The following KCNQ5 variants were observed in gnomAD, a reference collection of about 807,000 sequenced individuals.
KCNQ5 encodes potassium voltage-gated channel subfamily KQT member 5.
Under a neutral mutation model 98.2 loss-of-function variants are expected in KCNQ5, and 30 were observed. The ratio of observed to expected loss-of-function variants is 0.31; its 90% CI spans 0.23 to 0.41. The LOEUF (loss-of-function observed/expected upper bound fraction) is 0.41, where lower values mean the gene tolerates loss of function less well. KCNQ5 is among the 10% of genes least tolerant of loss of function. The probability of loss-of-function intolerance (pLI) is 1.00; values close to 1 mark genes in which losing one functional copy is unlikely to be tolerated. For synonymous variants in KCNQ5, 458 were observed against 449.4 expected, an observed-to-expected ratio of 1.02 and a Z score of -0.24; for missense variants, 835 against 1,182.5, an observed-to-expected ratio of 0.71 and a Z score of 4.31.
At chr6:72,913,611 T>C (rs1780026084) in intron 1 of KCNQ5, among the ~76,000 whole-genome samples, 1 of 152,248 alleles carries the variant, frequency 6.6e-6, no homozygotes, top group Non-Finnish European at 1.5e-5. Flanking sequence ...TGTTTTGTTA[T>C]GGGTTTTCTT....
chr6:72,980,816 T>C (rs1768404607), intron 1 of KCNQ5, among the ~76,000 whole-genome samples: 1 of 152,224 alleles, frequency 6.6e-6, no homozygotes, highest in South Asian at 2.1e-4. Flanking sequence ...GGGTTTGTCA[T>C]AAATAGCTCT....
At chr6:72,980,193 GT>G (rs1768368338) in intron 1 of KCNQ5, among the ~76,000 whole-genome samples, 2 of 152,142 alleles carry the variant, frequency 1.3e-5, no homozygotes, top group African/African-American at 4.8e-5. Context: ...CTTTAAAGTA[GT>G]TTTTTCCAAT....
At chr6:73,075,110 C>A (rs1298966496) in intron 3 of KCNQ5, among the ~76,000 whole-genome samples, 2 of 152,116 alleles carry the variant, frequency 1.3e-5, no homozygotes, top group Non-Finnish European at 2.9e-5. Context: ...TTGTTATAAA[C>A]TTCCAACATA....
chr6:72,990,323 T>C (rs1287673747), intron 1 of KCNQ5, among the ~76,000 whole-genome samples: 6 of 57,910 alleles, frequency 1.0e-4, no homozygotes, highest in South Asian at 7.3e-4. Flanking sequence ...TGTGTCCTCT[T>C]TTATTTCCTT....
At chr6:72,661,871 G>C (rs548281565) in intron 1 of KCNQ5, among the ~76,000 whole-genome samples, 10 of 152,218 alleles carry the variant, frequency 6.6e-5, no homozygotes, top group Middle Eastern at 3.4e-3. Flanking sequence ...GCTAGAATAA[G>C]CTTCTTTAAA....
chr6:72,694,502 A>G (rs1407222072), intron 1 of KCNQ5, among the ~76,000 whole-genome samples: 3 of 152,094 alleles, frequency 2.0e-5, no homozygotes, highest in African/African-American at 7.2e-5. Flanking sequence ...TCTGGCCTCT[A>G]GTGTTGACCT....
chr6:72,852,861 A>G (rs765020390), intron 1 of KCNQ5, among the ~76,000 whole-genome samples: 4 of 151,572 alleles, frequency 2.6e-5, no homozygotes, highest in Admixed American at 6.6e-5. Flanking sequence ...TGTATTGCCT[A>G]TGTTCTTGGG....
At chr6:72,880,215 G>A (rs1427207496) in intron 1 of KCNQ5, among the ~76,000 whole-genome samples, 3 of 152,138 alleles carry the variant, frequency 2.0e-5, no homozygotes, top group Non-Finnish European at 2.9e-5. Flanking sequence ...ATAACTAGGT[G>A]GCTTATAAAC....
rs536923836 is a variant in KCNQ5 at position 72,631,900 on chromosome 6, C to G, written c.398+9313C>G. 3.9e-5 allele frequency among the ~76,000 whole-genome samples: 6 copies of G among 152,162 alleles called. No homozygotes were observed. The South Asian group carries it at 1.2e-3, about 32-fold the overall frequency. ...TCTAAATTCTTTATGCACATTAATT[C>G]TTTTATTCCTCCGAATAACCCTAAT... On this transcript the variant is annotated intron_variant, in intron 1 of 13. Transcript: ENST00000370398.
chr6:72,754,446 T>C (rs184724467), intron 1 of KCNQ5, among the ~76,000 whole-genome samples: 9 of 152,210 alleles, frequency 5.9e-5, no homozygotes, highest in African/African-American at 1.9e-4. Flanking sequence ...TATCAGCGCT[T>C]CTCAACTAGG....
At position 72,896,659 on chromosome 6, in the gene KCNQ5, TC is replaced by T. The variant is rs1447671934; in HGVS notation, c.399-107246del. The stretch of plus-strand genomic sequence containing the variant: ...CAGTATAAATTTTAATAACACCCAC[TC>T]CCAGTCTCAGTATACTTATTTGGAT... On this transcript the variant is annotated intron_variant, in intron 1 of 13. Transcript: ENST00000370398. 2.0e-5 allele frequency among the ~76,000 whole-genome samples: 3 copies of T among 152,242 alleles called. No homozygotes were observed. In the East Asian group the frequency reaches 5.8e-4, roughly 29 times the overall value.
intron 1 of KCNQ5, among the ~76,000 whole-genome samples, chr6:72,869,702 A>C (rs1025461053): frequency 2.0e-4 from 31 of 152,278 alleles, no homozygotes; most frequent in Non-Finnish European, 3.5e-4. Context: ...CTTTTTAATG[A>C]CAAAAAAAAA....
At chr6:73,011,030 A>C (rs148017501) in intron 2 of KCNQ5, among the ~76,000 whole-genome samples, 2 of 152,232 alleles carry the variant, frequency 1.3e-5, no homozygotes, top group East Asian at 3.9e-4. Flanking sequence ...GAATTCATAT[A>C]GAATTTTAAA....
intron 1 of KCNQ5, among the ~76,000 whole-genome samples, chr6:72,895,576 G>A (rs1463699710): frequency 6.6e-6 from 1 of 151,004 alleles, no homozygotes; most frequent in Non-Finnish European, 1.5e-5. Context: ...CTTTGAATTA[G>A]TCATTACCGT....
chr6:72,898,577 A>G (rs570592856), intron 1 of KCNQ5, among the ~76,000 whole-genome samples: 75 of 152,270 alleles, frequency 4.9e-4, no homozygotes, highest in Admixed American at 1.9e-3. Flanking sequence ...TCTATAATTG[A>G]TGAACATTTG....
chr6:73,171,721 T>C (rs965701974), intron 11 of KCNQ5, among the ~76,000 whole-genome samples: 1 of 152,186 alleles, frequency 6.6e-6, no homozygotes, highest in Non-Finnish European at 1.5e-5. Context: ...ACATTACTGG[T>C]CTAGAAGTCA....
chr6:72,634,092 T>G (rs1271700401), intron 1 of KCNQ5, among the ~76,000 whole-genome samples: 1 of 152,232 alleles, frequency 6.6e-6, no homozygotes, highest in East Asian at 1.9e-4. Context: ...GGATGGTACG[T>G]GTGGGCCCAG....
intron 1 of KCNQ5, among the ~76,000 whole-genome samples, chr6:72,735,765 AGTC>A (rs904306256): frequency 2.0e-3 from 308 of 152,084 alleles, no homozygotes; most frequent in African/African-American, 7.2e-3. Context: ...TTATAAATGT[AGTC>A]ATTTTAGATG....
chr6:72,884,030 C>A (rs758931841), intron 1 of KCNQ5, among the ~76,000 whole-genome samples: 10 of 152,152 alleles, frequency 6.6e-5, no homozygotes, highest in Non-Finnish European at 1.0e-4. Context: ...TGATAGTCTT[C>A]TTTAGTTTCT....
Sources: allele counts gnomAD v4.1 joint callset (sites outside exome capture counted in the v4.1 genomes callset), GRCh38; gene constraint gnomAD v4.1.1; transcripts MANE v1.5; gene names NCBI Gene and HGNC (gene_info 2026-07-23, HGNC 2026-07-21).